The following SLC36A4 variants were observed in gnomAD, a reference collection of about 807,000 sequenced individuals.
The protein encoded by SLC36A4 is solute carrier family 36 member 4.
In SLC36A4, 49 loss-of-function variants were observed where a neutral mutation model predicts 50.5. That is an observed-to-expected ratio of 0.97 (90% CI 0.77 to 1.23). The LOEUF (loss-of-function observed/expected upper bound fraction) is 1.23, where lower values mean the gene tolerates loss of function less well. SLC36A4 is among the 50% of genes most tolerant of loss of function. SLC36A4 has a pLI of 0.00. For synonymous variants in SLC36A4, 207 were observed against 206.5 expected, an observed-to-expected ratio of 1.00 and a Z score of -0.02; for missense variants, 611 against 608.4, an observed-to-expected ratio of 1.00 and a Z score of -0.05.
chr11:93,180,683 A>G, intron 6 of SLC36A4, 114 bp downstream of exon 6: 1 of 764,500 alleles, frequency 1.3e-6, no homozygotes, highest in Non-Finnish European at 2.2e-6. Context: ...AAGGAAGATC[A>G]TTTATGAAAG....
At chr11:93,159,442 G>A (rs1434832867) in intron 9 of SLC36A4, among the ~76,000 whole-genome samples, 2 of 152,116 alleles carry the variant, frequency 1.3e-5, no homozygotes, top group Non-Finnish European at 2.9e-5. Context: ...GTCTCTCAAG[G>A]TTGAATACAG....
At chr11:93,171,056 G>T (rs1861110881) in intron 6 of SLC36A4, 1 of 151,876 alleles carries the variant, frequency 6.6e-6, no homozygotes, top group East Asian at 1.9e-4. Context: ...CACCTCTGTA[G>T]AGTGAAAATC....
At chr11:93,153,348 A>G (rs1565214928) in intron 10 of SLC36A4, among the ~76,000 whole-genome samples, 1 of 152,156 alleles carries the variant, frequency 6.6e-6, no homozygotes, top group African/African-American at 2.4e-5. Flanking sequence ...AATAATGATC[A>G]TAACTTCCAG....
intron 10 of SLC36A4, among the ~76,000 whole-genome samples, chr11:93,149,047 A>T (rs1489662430): frequency 6.6e-6 from 1 of 152,106 alleles, no homozygotes. Flanking sequence ...AGTGAGTGAC[A>T]TGTCCTAGAC....
In SLC36A4 at chr11:93,154,212, T is replaced by C. The variant is rs139534791; in HGVS notation, c.1103A>G (p.Tyr368Cys). ...GIFVTYSIQF[Y>C]VPAEIIIPGI... ...AGGGATAATGATCTCTGCTGGAACA[T>C]AGAACTGAATTGAATATGTCACAAA... Residue 368 changes from tyrosine to cysteine, a missense_variant, in exon 10 of 11, where the codon TAT (tyrosine) becomes TGT (cysteine). Physicochemically the swap from Tyr to Cys is radical, Grantham distance 194 (BLOSUM62 -2). Transcript: ENST00000326402. 42 of 1,551,400 alleles carry C rather than the reference T, an allele frequency of 2.7e-5. No homozygotes were observed. The African/African-American group carries it at 4.1e-4, about 15-fold the overall frequency.
intron 1 of SLC36A4, among the ~76,000 whole-genome samples, chr11:93,196,429 C>G (rs974473031): frequency 7.2e-5 from 11 of 152,058 alleles, no homozygotes; most frequent in African/African-American, 1.9e-4. Flanking sequence ...TGCAGTGGCA[C>G]GATCTCGGCT....
chr11:93,162,685 G>A (rs775273006), intron 9 of SLC36A4, 21 bp downstream of exon 9: 66 of 1,558,970 alleles, frequency 4.2e-5, no homozygotes, highest in South Asian at 2.9e-4. Context: ...AACTAATATT[G>A]ACAAATTCAT....
intron 1 of SLC36A4, among the ~76,000 whole-genome samples, chr11:93,194,067 T>C (rs1383519251): frequency 2.6e-5 from 4 of 152,094 alleles, no homozygotes; most frequent in Non-Finnish European, 5.9e-5. Flanking sequence ...GTGGGAAAAG[T>C]TGAATATCTG....
chr11:93,160,308 C>G (rs939147676), intron 9 of SLC36A4: 2 of 985,292 alleles, frequency 2.0e-6, no homozygotes, highest in Non-Finnish European at 2.4e-6. Context: ...TGTGTCTTGA[C>G]TGGCTTTCCT....
At chr11:93,160,676 A>T in intron 9 of SLC36A4, 1 of 985,132 alleles carries the variant, frequency 1.0e-6, no homozygotes, top group Non-Finnish European at 1.2e-6. Context: ...ATGTGTGCAC[A>T]CTCCCACTTT....
At position 93,180,895 on chromosome 11, in the gene SLC36A4, T is replaced by C; in HGVS notation, c.456-14A>G. On this transcript the variant is annotated splice_polypyrimidine_tract_variant and intron_variant, in intron 5 of 10. Transcript: ENST00000326402. ...TCAACCACACTCCTGAAAAAAGATATCCACAAATGAGTATCCAGGAGAGCT... is the reference window on the plus strand; with the variant it reads ...TCAACCACACTCCTGAAAAAAGATACCCACAAATGAGTATCCAGGAGAGCT... 1 of 1,567,418 alleles carries C rather than the reference T, an allele frequency of 6.4e-7. No individual in the cohort carries two copies. The highest frequency in any genetic ancestry group is 8.8e-7 in the Non-Finnish European group (1 of 1,138,274).
Position 93,181,754 on chromosome 11 carries a change from G to A in SLC36A4, c.392C>T (p.Thr131Ile). 1.3e-6 allele frequency: 2 copies of A among 1,554,404 alleles called. No individual in the cohort carries two copies. The highest frequency in any genetic ancestry group is 1.7e-6 in the Non-Finnish European group (2 of 1,144,604). ...FKKSTLGYSD[T>I]VSFAMEVSPW... Reference sequence around the variant, plus strand: ...ACTCACTTCCATAGCAAAGCTCACAGTGTCACTATAACCTAATGTTGACTT... The same window carrying A: ...ACTCACTTCCATAGCAAAGCTCACAATGTCACTATAACCTAATGTTGACTT... Residue 131 changes from threonine to isoleucine, a missense_variant, in exon 5 of 11, where the codon ACT becomes ATT. By Grantham distance (89) the Thr-to-Ile change is moderately conservative (BLOSUM62 -1). Transcript: ENST00000326402.
intron 6 of SLC36A4, among the ~76,000 whole-genome samples, chr11:93,178,694 T>C (rs1861601984): frequency 6.6e-6 from 1 of 152,170 alleles, no homozygotes; most frequent in Non-Finnish European, 1.5e-5. Context: ...CGGGACATAC[T>C]GTAATGTAAT....
At position 93,174,309 on chromosome 11, in the gene SLC36A4, C is replaced by G. The variant is rs1420480206; in HGVS notation, c.541-6138G>C. On this transcript the variant is annotated intron_variant, in intron 6 of 10. Coordinates refer to ENST00000326402, the MANE Select transcript of SLC36A4 (RefSeq NM_152313.4). ...TGTACATTGATTTTGTATCCTGAGACTTTGCTGAAGTTGCTTATCAGCTTA... is the reference window on the plus strand; with the variant it reads ...TGTACATTGATTTTGTATCCTGAGAGTTTGCTGAAGTTGCTTATCAGCTTA... Among the ~76,000 whole-genome samples the G allele has an allele frequency of 7.3e-5, 11 of 149,922 alleles. No homozygotes were observed. The East Asian group carries it at 8.0e-4, about 11-fold the overall frequency.
chr11:93,169,550 T>C (rs895882461), intron 6 of SLC36A4, among the ~76,000 whole-genome samples: 7 of 152,132 alleles, frequency 4.6e-5, no homozygotes, highest in African/African-American at 1.7e-4. Context: ...ACATGTATAA[T>C]CTACCATACA....
At chr11:93,191,216 T>C (rs1285476612) in intron 1 of SLC36A4, among the ~76,000 whole-genome samples, 1 of 152,234 alleles carries the variant, frequency 6.6e-6, no homozygotes, top group African/African-American at 2.4e-5. Context: ...TATTTTTGTT[T>C]CCAATTTAGG....
rs1565224432 is a variant in SLC36A4 at position 93,168,073 on chromosome 11, C to CAT, written c.637_638dup (p.Met213IlefsTer9). 2 of 1,611,966 alleles carry CAT rather than the reference C, an allele frequency of 1.2e-6. No homozygotes were observed. Among genetic ancestry groups the CAT allele is most frequent in the Non-Finnish European group, 1.7e-6 (2 of 1,178,550 alleles). On this transcript the variant is annotated frameshift_variant, in exon 7 of 11. Transcript: ENST00000326402. LOFTEE classifies it high-confidence loss of function. The stretch of plus-strand genomic sequence containing the variant: ...GAATTATAAATGGAAGAAAGCAAAG[C>CAT]ATATATATCCTTAGGTCAACACTTC...
intron 9 of SLC36A4, among the ~76,000 whole-genome samples, chr11:93,156,654 G>A (rs1052968412): frequency 9.2e-5 from 14 of 151,452 alleles, no homozygotes; most frequent in African/African-American, 3.1e-4. Flanking sequence ...TCCTAACCTT[G>A]TGATCTGCCC....
intron 9 of SLC36A4, chr11:93,159,992 A>C: frequency 1.0e-6 from 1 of 985,442 alleles, no homozygotes; most frequent in South Asian, 4.7e-5. Context: ...TACACTGCAC[A>C]ATCTCTAACT....
Sources: allele counts gnomAD v4.1 joint callset (sites outside exome capture counted in the v4.1 genomes callset), GRCh38; gene constraint gnomAD v4.1.1; transcripts MANE v1.5; gene names NCBI Gene and HGNC (gene_info 2026-07-23, HGNC 2026-07-21).